Variants in CTDSPL2 observed in about 807,000 individuals in gnomAD.
CTDSPL2 encodes the protein CTD small phosphatase-like protein 2.
CTDSPL2 carries 5 observed loss-of-function variants against 60.0 expected under a neutral mutation model. The observed-to-expected ratio is 0.08, with a 90% CI of 0.04 to 0.18. The LOEUF (loss-of-function observed/expected upper bound fraction) is 0.18. Ranked by LOEUF, CTDSPL2 falls within the 10% of genes least tolerant of loss-of-function variation. CTDSPL2 has a pLI of 1.00. For synonymous variants in CTDSPL2, 186 were observed against 189.3 expected (o/e 0.98, Z 0.14); for missense variants, 370 against 548.8 (o/e 0.67, Z 3.26).
chr15:44,441,627 G>A (rs766129269), intron 1 of CTDSPL2, among the ~76,000 whole-genome samples: 7 of 152,086 alleles, frequency 4.6e-5, no homozygotes, highest in Non-Finnish European at 7.4e-5. Context: ...AGGTGAGCCC[G>A]TGCTTGCTTT....
intron 1 of CTDSPL2, among the ~76,000 whole-genome samples, chr15:44,458,403 G>A (rs1047679054): frequency 3.9e-5 from 6 of 152,148 alleles, no homozygotes; most frequent in African/African-American, 1.4e-4. Context: ...GATGTGAATC[G>A]TTTTAAAAGT....
chr15:44,464,645 G>A (rs2080646500), intron 2 of CTDSPL2, among the ~76,000 whole-genome samples: 1 of 152,142 alleles, frequency 6.6e-6, no homozygotes, highest in South Asian at 2.1e-4. Flanking sequence ...TGTATGGTCT[G>A]TGTCTGCATC....
chr15:44,487,630 G>C (rs2081143846), intron 4 of CTDSPL2, among the ~76,000 whole-genome samples: 1 of 152,188 alleles, frequency 6.6e-6, no homozygotes, highest in African/African-American at 2.4e-5. Context: ...ACAGCATAGT[G>C]TATTTGAGAG....
Position 44,427,636 on chromosome 15 carries a change from G to A in CTDSPL2, c.-161G>A. The A allele has an allele frequency of 5.0e-6, 2 of 399,270 alleles. No homozygotes were observed. Among genetic ancestry groups the A allele is most frequent in the Non-Finnish European group, 8.8e-6 (2 of 226,240 alleles). 24.7% of individuals were successfully genotyped at this position (399,270 alleles called of 1,614,324 possible). A position where few individuals can be genotyped will look rare whatever the true frequency, so the allele number is the denominator to read the frequency against. On this transcript the variant is annotated 5_prime_UTR_variant, in exon 1 of 13. Coordinates refer to ENST00000260327, the MANE Select transcript of CTDSPL2 (RefSeq NM_016396.3). ...GGTCCCTGTCCGTGCGGTGCAGCAGGTCGGTAGGCGGGAAATGGCGACTGG... is the reference window on the plus strand; with the variant it reads ...GGTCCCTGTCCGTGCGGTGCAGCAGATCGGTAGGCGGGAAATGGCGACTGG...
At position 44,435,256 on chromosome 15, in the gene CTDSPL2, CAA is replaced by C. The variant is rs35787192; in HGVS notation, c.-25+7504_-25+7505del. Among the ~76,000 whole-genome samples the C allele has an allele frequency of 9.5e-3, 437 of 46,034 alleles. 1 individual carries two copies. The highest frequency in any genetic ancestry group is 0.031 in the African/African-American group (421 of 13,532). 30.2% of individuals were successfully genotyped at this position (46,034 alleles called of 152,430 possible). ...TGGGCGACAGAGTGAGACTCCGTCTCAAAAAAAAAAAAAAAAAAAAAGAATCC... is the reference window on the plus strand; with the variant it reads ...TGGGCGACAGAGTGAGACTCCGTCTCAAAAAAAAAAAAAAAAAAAGAATCC... On this transcript the variant is annotated intron_variant, in intron 1 of 12. Coordinates refer to ENST00000260327, the MANE Select transcript of CTDSPL2 (RefSeq NM_016396.3).
intron 7 of CTDSPL2, among the ~76,000 whole-genome samples, chr15:44,498,742 T>C (rs1212217309): frequency 6.6e-6 from 1 of 151,812 alleles, no homozygotes; most frequent in Non-Finnish European, 1.5e-5. Flanking sequence ...CCACTAAAAA[T>C]ACAAAAATTA....
chr15:44,510,335 A>G (rs1054172555), intron 8 of CTDSPL2, among the ~76,000 whole-genome samples: 8 of 152,112 alleles, frequency 5.3e-5, no homozygotes, highest in Admixed American at 4.6e-4. Flanking sequence ...ATAGATTTTC[A>G]TTTTAAAAGT....
At chr15:44,443,897 A>G (rs1241977499) in intron 1 of CTDSPL2, among the ~76,000 whole-genome samples, 1 of 152,188 alleles carries the variant, frequency 6.6e-6, no homozygotes, top group Non-Finnish European at 1.5e-5. Flanking sequence ...TTGATACACA[A>G]AAATTAAAAA....
chr15:44,438,176 A>G (rs535227482), intron 1 of CTDSPL2, among the ~76,000 whole-genome samples: 13 of 151,970 alleles, frequency 8.6e-5, no homozygotes, highest in Non-Finnish European at 1.6e-4. Context: ...GGGCAGGAGA[A>G]TGGCGTGAAC....
At chr15:44,516,837 T>G (rs974882236) in intron 10 of CTDSPL2, 1 of 137,676 alleles carries the variant, frequency 7.3e-6, no homozygotes, top group Non-Finnish European at 1.5e-5. Context: ...AAGCTTGTTT[T>G]TTTGTTTGTT....
At chr15:44,448,390 CCCA>C in intron 1 of CTDSPL2, 1 of 240,284 alleles carries the variant, frequency 4.2e-6, no homozygotes, top group Non-Finnish European at 8.4e-6. Flanking sequence ...CATCTTGGAA[CCCA>C]CACGATCCAC....
rs542277728 is a variant in CTDSPL2 at position 44,495,016 on chromosome 15, G to A, written c.692-1364G>A. On this transcript the variant is annotated intron_variant, in intron 5 of 12. Transcript: ENST00000260327. The stretch of plus-strand genomic sequence containing the variant: ...GATGGAGTTTTGCTCTTGTTGCCCA[G>A]GCTAGAGTGCAATGACACAATCTCG... Among the ~76,000 whole-genome samples, 229 of 152,256 alleles carry A rather than the reference G, an allele frequency of 1.5e-3. 1 individual carries two copies. Among genetic ancestry groups the A allele is most frequent in the African/African-American group, 5.3e-3 (221 of 41,562 alleles).
chr15:44,513,887 G>A (rs951344225), intron 8 of CTDSPL2, among the ~76,000 whole-genome samples: 3 of 152,166 alleles, frequency 2.0e-5, no homozygotes, highest in Non-Finnish European at 4.4e-5. Context: ...GAGAGACACA[G>A]AAATAAGAAA....
intron 2 of CTDSPL2, among the ~76,000 whole-genome samples, chr15:44,471,983 A>G (rs754016141): frequency 3.4e-4 from 52 of 151,872 alleles, no homozygotes; most frequent in African/African-American, 8.9e-4. Context: ...AAAAAAAAAA[A>G]AGAGAAAAAA....
intron 1 of CTDSPL2, among the ~76,000 whole-genome samples, chr15:44,434,496 C>T (rs942203272): frequency 2.6e-5 from 4 of 152,170 alleles, no homozygotes; most frequent in Admixed American, 6.5e-5. Context: ...TGGGCTCAAG[C>T]GATCCTCCTG....
intron 2 of CTDSPL2, among the ~76,000 whole-genome samples, chr15:44,468,008 T>C (rs1338081057): frequency 2.6e-5 from 4 of 152,180 alleles, no homozygotes; most frequent in African/African-American, 4.8e-5. Context: ...TTCTGTAGTT[T>C]TGTCTTGATT....
chr15:44,496,352 A>T (rs762854322), intron 5 of CTDSPL2, 28 bp from the exon 6 acceptor site: 2 of 1,517,778 alleles, frequency 1.3e-6, no homozygotes, highest in African/African-American at 1.4e-5. Context: ...AGTAAAAGCA[A>T]CATTTTTTCT....
At chr15:44,482,404 G>C (rs184412619) in intron 2 of CTDSPL2, among the ~76,000 whole-genome samples, 1 of 152,290 alleles carries the variant, frequency 6.6e-6, no homozygotes, top group African/African-American at 2.4e-5. Context: ...TTTTCCATAA[G>C]TTTTGTTACT....
intron 11 of CTDSPL2, chr15:44,520,390 C>G (rs149660513): frequency 5.3e-5 from 8 of 151,890 alleles, no homozygotes; most frequent in African/African-American, 1.9e-4. Flanking sequence ...CTCAGGTGAT[C>G]CCACCTGTCT....
Sources: gnomAD v4.1 joint callset for allele counts (sites outside exome capture counted in the v4.1 genomes callset) on GRCh38, gnomAD v4.1.1 for gene constraint, MANE v1.5 for transcripts, NCBI Gene and HGNC (gene_info 2026-07-23, HGNC 2026-07-21) for gene names.